Variants in HMCN1 observed in about 807,000 individuals in gnomAD.
HMCN1 encodes the protein hemicentin-1.
HMCN1 carries 321 observed loss-of-function variants against 625.9 expected under a neutral mutation model. That is an observed-to-expected ratio of 0.51 (90% confidence interval 0.47 to 0.56). HMCN1 has a LOEUF of 0.56. Ranked by LOEUF, HMCN1 falls within the 20% of genes least tolerant of loss-of-function variation. The probability of loss-of-function intolerance (pLI) is 0.00; values close to 1 mark genes in which losing one functional copy is unlikely to be tolerated. For missense variants in HMCN1, 6,588 were observed against 6,887.3 expected (o/e 0.96, Z 1.54); for synonymous variants, 2,425 against 2,417.6 (o/e 1.00, Z -0.09).
At chr1:185,743,982 G>GCTT (rs1654181338) in intron 1 of HMCN1, among the ~76,000 whole-genome samples, 1 of 88,140 alleles carries the variant, frequency 1.1e-5, no homozygotes. Context: ...TTACTGTTTT[G>GCTT]TTTTTTTTTT....
intron 1 of HMCN1, among the ~76,000 whole-genome samples, chr1:185,779,261 A>G (rs1360089157): frequency 6.6e-6 from 1 of 152,004 alleles, no homozygotes. Context: ...TTGTCAGATG[A>G]GTAGATTGCA....
chr1:185,857,547 G>T (rs1456066247), intron 2 of HMCN1, among the ~76,000 whole-genome samples: 1 of 151,762 alleles, frequency 6.6e-6, no homozygotes, highest in Non-Finnish European at 1.5e-5. Context: ...TTATCATGTT[G>T]ATTATTCATC....
intron 4 of HMCN1, among the ~76,000 whole-genome samples, chr1:185,876,101 T>TC (rs1196611653): frequency 6.6e-6 from 1 of 152,062 alleles, no homozygotes; most frequent in East Asian, 1.9e-4. Flanking sequence ...TGTCTATTAT[T>TC]CCCCTCAGTA....
Position 185,928,567 on chromosome 1 carries a change from A to T in HMCN1, c.1452A>T (p.Leu484Phe), listed in dbSNP as rs1667389629. Residue 484 changes from leucine (L) to phenylalanine (F), a missense_variant, in exon 10 of 107, where the codon TTA becomes TTT. Transcript: ENST00000271588. ...QYLKESASVN[L>F]DIAKVTLSDE... ...CCAGAGAATCTGCCAGTGTGAACTT[A>T]GATATTGCAAAGGTCACTTTGTCTG... 1 of 1,612,762 alleles carries T rather than the reference A, an allele frequency of 6.2e-7. No homozygotes were observed. Among genetic ancestry groups the T allele is most frequent in the Non-Finnish European group, 8.5e-7 (1 of 1,178,920 alleles).
chr1:186,117,921 C>T (rs560608570), intron 77 of HMCN1, among the ~76,000 whole-genome samples: 1 of 152,174 alleles, frequency 6.6e-6, no homozygotes, highest in Non-Finnish European at 1.5e-5. Context: ...TTAACAAATT[C>T]CCGAGTTACC....
intron 1 of HMCN1, among the ~76,000 whole-genome samples, chr1:185,845,587 G>C (rs1016333801): frequency 6.6e-6 from 1 of 152,128 alleles, no homozygotes; most frequent in African/African-American, 2.4e-5. Flanking sequence ...ATTTTGTTTA[G>C]CACCAAACTT....
chr1:186,120,452 C>G (rs1661348200), intron 80 of HMCN1, among the ~76,000 whole-genome samples: 1 of 152,200 alleles, frequency 6.6e-6, no homozygotes, highest in Non-Finnish European at 1.5e-5. Context: ...ATTCTCTCTA[C>G]AATACTACCT....
rs1651597594 is a variant in HMCN1 at position 185,981,061 on chromosome 1, G to A, written c.2650G>A (p.Val884Met). 1.2e-6 allele frequency: 2 copies of A among 1,600,460 alleles called. No homozygotes were observed. Among genetic ancestry groups the A allele is most frequent in the African/African-American group, 2.7e-5 (2 of 74,728 alleles). ...GATCCAGTCAGAGACAACAGTAACA[G>A]TGACCGGACTTGGTAAGATCAATTG... ...GKIQSETTVT[V>M]TGLVAPLIGI... Residue 884 changes from valine to methionine, a missense_variant, in exon 17 of 107, where the codon GTG becomes ATG. By Grantham distance (21) the Val-to-Met change is conservative (BLOSUM62 1). Around this residue, in one of 3 missense-constraint regions of HMCN1, gnomAD observed 4,628 missense variants for 4,853.1 expected, o/e 0.95. Transcript: ENST00000271588.
At position 186,012,048 on chromosome 1, in the gene HMCN1, G is replaced by C. The variant is rs200823106; in HGVS notation, c.4631-3111G>C. Among the ~76,000 whole-genome samples the C allele has an allele frequency of 9.2e-5, 14 of 152,244 alleles. No individual in the cohort carries two copies. In the East Asian group the frequency reaches 2.7e-3, roughly 29 times the overall value. On this transcript the variant is annotated intron_variant, in intron 30 of 106. Coordinates refer to ENST00000271588, the MANE Select transcript of HMCN1 (RefSeq NM_031935.3). ...TATTCAGTTTGACTTCTGACAAAAAGTCATAGAACTGATGATGTTTAACTA... is the reference window on the plus strand; with the variant it reads ...TATTCAGTTTGACTTCTGACAAAAACTCATAGAACTGATGATGTTTAACTA...
At chr1:185,838,029 G>A (rs1166783548) in intron 1 of HMCN1, among the ~76,000 whole-genome samples, 1 of 152,184 alleles carries the variant, frequency 6.6e-6, no homozygotes, top group Non-Finnish European at 1.5e-5. Context: ...CAGGCATGGA[G>A]ACTGAGAGGG....
intron 4 of HMCN1, among the ~76,000 whole-genome samples, chr1:185,898,877 C>T (rs1228649571): frequency 4.9e-5 from 7 of 142,576 alleles, no homozygotes; most frequent in African/African-American, 2.1e-4. Flanking sequence ...GACTGGTCTT[C>T]AGACAGCTAA....
chr1:185,804,046 T>G (rs1029682817), intron 1 of HMCN1, among the ~76,000 whole-genome samples: 8 of 152,090 alleles, frequency 5.3e-5, no homozygotes, highest in African/African-American at 1.9e-4. Context: ...AGAGACATTT[T>G]TTTAAATTCA....
chr1:185,767,649 A>G (rs184708778), intron 1 of HMCN1, among the ~76,000 whole-genome samples: 74 of 152,296 alleles, frequency 4.9e-4, no homozygotes, highest in African/African-American at 1.7e-3. Context: ...TTTAACTGTG[A>G]ATAAAGGTAT....
chr1:185,916,409 G>T (rs73062166), intron 6 of HMCN1, among the ~76,000 whole-genome samples: 1 of 151,986 alleles, frequency 6.6e-6, no homozygotes, highest in Non-Finnish European at 1.5e-5. Context: ...GAAAATAGTG[G>T]CTACCCAATA....
intron 42 of HMCN1, among the ~76,000 whole-genome samples, chr1:186,050,206 C>A (rs772995974): frequency 4.6e-5 from 7 of 151,636 alleles, no homozygotes; most frequent in Non-Finnish European, 8.8e-5. Context: ...GAGTGATGAT[C>A]AATTAGAAAC....
At chr1:185,786,441 A>G (rs1040099674) in intron 1 of HMCN1, among the ~76,000 whole-genome samples, 13 of 152,160 alleles carry the variant, frequency 8.5e-5, no homozygotes, top group Admixed American at 3.9e-4. Flanking sequence ...TTGGGATGAA[A>G]ATACATATAG....
intron 49 of HMCN1, among the ~76,000 whole-genome samples, chr1:186,067,596 C>T (rs1658207276): frequency 6.6e-6 from 1 of 152,096 alleles, no homozygotes; most frequent in Non-Finnish European, 1.5e-5. Flanking sequence ...CATTATTGCC[C>T]TTACTACATT....
At chr1:185,820,309 G>T (rs1217719659) in intron 1 of HMCN1, among the ~76,000 whole-genome samples, 2 of 151,980 alleles carry the variant, frequency 1.3e-5, no homozygotes, top group African/African-American at 2.4e-5. Flanking sequence ...CTCCATATTT[G>T]TTATACAAGG....
At chr1:186,137,013 T>C in intron 87 of HMCN1, 76 bp downstream of exon 87, 1 of 1,523,036 alleles carries the variant, frequency 6.6e-7, no homozygotes, top group Non-Finnish European at 9.0e-7. Flanking sequence ...TTAAGCACTT[T>C]AGTCCAAGTC....
Sources: allele counts gnomAD v4.1 joint callset (sites outside exome capture counted in the v4.1 genomes callset), GRCh38; gene constraint gnomAD v4.1.1; regional missense constraint gnomAD v4.1.1; transcripts MANE v1.5; gene names NCBI Gene and HGNC (gene_info 2026-07-23, HGNC 2026-07-21).